Variants in FGF18 observed in about 807,000 individuals in gnomAD.
FGF18 encodes fibroblast growth factor 18.
A neutral mutation model predicts 23.0 loss-of-function variants in FGF18; 5 were observed. The ratio of observed to expected loss-of-function variants is 0.22; its 90% CI spans 0.11 to 0.46. The LOEUF (loss-of-function observed/expected upper bound fraction) is 0.46. Ranked by LOEUF, FGF18 falls within the 20% of genes least tolerant of loss-of-function variation. The pLI is 0.99. For synonymous variants in FGF18, 117 were observed against 118.9 expected (o/e 0.98, Z 0.10); for missense variants, 180 against 291.6 (o/e 0.62, Z 2.79).
chr5:171,446,353 G>A (rs1772419095), intron 3 of FGF18, among the ~76,000 whole-genome samples: 1 of 152,118 alleles, frequency 6.6e-6, no homozygotes, highest in Non-Finnish European at 1.5e-5. Context: ...TGGGAGGCCT[G>A]TCCCTCCAGA....
chr5:171,437,588 T>G (rs891245316), intron 3 of FGF18, among the ~76,000 whole-genome samples: 2 of 152,120 alleles, frequency 1.3e-5, no homozygotes, highest in African/African-American at 4.8e-5. Context: ...CAGCTCTGTC[T>G]CCCTCCTTCG....
chr5:171,446,229 G>A (rs1316884977), intron 3 of FGF18, among the ~76,000 whole-genome samples: 1 of 152,178 alleles, frequency 6.6e-6, no homozygotes, highest in Non-Finnish European at 1.5e-5. Context: ...GGGTGGGGGT[G>A]GCTAGGCTTG....
intron 2 of FGF18, among the ~76,000 whole-genome samples, chr5:171,425,616 T>C (rs777436386): frequency 7.3e-5 from 11 of 150,520 alleles, no homozygotes; most frequent in Non-Finnish European, 1.3e-4. Context: ...CTGTAAGCTC[T>C]GCCTGCCGGG....
chr5:171,447,296 C>G lies in FGF18; in HGVS notation c.251-1851C>G, dbSNP rs182276879. ...CTGATTCCCCCATAACTCCTCACCC[C>G]CTGTGGGGCCTGATCTTTACGAAGA... On this transcript the variant is annotated intron_variant, in intron 3 of 4. Coordinates refer to ENST00000274625, the MANE Select transcript of FGF18 (RefSeq NM_003862.3). 2.3e-3 allele frequency among the ~76,000 whole-genome samples: 346 copies of G among 152,292 alleles called. 1 individual carries two copies. The highest frequency in any genetic ancestry group is 7.7e-3 in the African/African-American group (320 of 41,564).
chr5:171,449,719 C>T (rs1040559475), intron 4 of FGF18, among the ~76,000 whole-genome samples: 4 of 152,090 alleles, frequency 2.6e-5, no homozygotes, highest in African/African-American at 4.8e-5. Flanking sequence ...ACCTCTGGAA[C>T]CTGGCCGCCT....
chr5:171,443,448 TAACA>T (rs1772373826), intron 3 of FGF18, among the ~76,000 whole-genome samples: 1 of 150,392 alleles, frequency 6.6e-6, no homozygotes, highest in Admixed American at 6.6e-5. Context: ...CTTAACATCT[TAACA>T]TTGCTTGACA....
rs1053637517 is a variant in FGF18 at position 171,451,351 on chromosome 5, C to T, written c.357+2098C>T. Among the ~76,000 whole-genome samples the T allele has an allele frequency of 3.9e-5, 6 of 152,102 alleles. No homozygotes were observed. The highest frequency in any genetic ancestry group is 8.8e-5 in the Non-Finnish European group (6 of 68,008). ...ACCAAATCCACCTGTCCAGGCTTGACCTCTGCCCCGCCCAGCGCCCCCTCG... is the reference window on the plus strand; with the variant it reads ...ACCAAATCCACCTGTCCAGGCTTGATCTCTGCCCCGCCCAGCGCCCCCTCG... On this transcript the variant is annotated intron_variant, in intron 4 of 4. Transcript: ENST00000274625. The surrounding 1 kb of genome is among the most constrained non-coding windows in gnomAD (Gnocchi z 4.5).
At chr5:171,420,550 C>G in intron 2 of FGF18, 107 bp downstream of exon 2, 1 of 1,145,658 alleles carries the variant, frequency 8.7e-7, no homozygotes, top group Non-Finnish European at 1.3e-6. Context: ...CTCCTGGGCG[C>G]TGAGCCCAGT....
rs1410125144 is a variant in FGF18 at position 171,451,663 on chromosome 5, T to A, written c.357+2410T>A. ...CCACCCCCACCCAGCTCCAAACCCA[T>A]CCATGGGTCCTCCCACCTTGCTATG... On this transcript the variant is annotated intron_variant, in intron 4 of 4. Transcript: ENST00000274625. This position sits in a 1 kb window ranked among gnomAD's most constrained non-coding sequence, Gnocchi z 4.5. Among the ~76,000 whole-genome samples the A allele has an allele frequency of 4.0e-5, 6 of 149,464 alleles. No homozygotes were observed. The highest frequency in any genetic ancestry group is 8.9e-5 in the Non-Finnish European group (6 of 67,316).
At chr5:171,454,050 G>A (rs987543474) in intron 4 of FGF18, among the ~76,000 whole-genome samples, 3 of 152,104 alleles carry the variant, frequency 2.0e-5, no homozygotes, top group Non-Finnish European at 4.4e-5. Flanking sequence ...GGGCTAATGC[G>A]GAGGCAGGCA....
intron 3 of FGF18, among the ~76,000 whole-genome samples, chr5:171,441,612 G>A (rs1355942455): frequency 2.6e-5 from 4 of 152,128 alleles, no homozygotes; most frequent in South Asian, 2.1e-4. Flanking sequence ...AGCACTTGTC[G>A]CTATCCGACC....
At chr5:171,448,366 G>A (rs374704415) in intron 3 of FGF18, among the ~76,000 whole-genome samples, 5 of 152,152 alleles carry the variant, frequency 3.3e-5, no homozygotes, top group South Asian at 2.1e-4. Context: ...TAGGGAGCTC[G>A]CACCTCACTC....
At chr5:171,452,991 G>A (rs1772537585) in intron 4 of FGF18, among the ~76,000 whole-genome samples, 1 of 152,206 alleles carries the variant, frequency 6.6e-6, no homozygotes, top group Non-Finnish European at 1.5e-5. Context: ...TAGGGCTCCA[G>A]TTTGGGAAGC....
chr5:171,442,725 G>A (rs1216268926), intron 3 of FGF18, among the ~76,000 whole-genome samples: 1 of 152,196 alleles, frequency 6.6e-6, no homozygotes, highest in African/African-American at 2.4e-5. Context: ...CCAGGCCTCT[G>A]GCTGCCTCTC....
chr5:171,422,953 G>A (rs1487200314), intron 2 of FGF18, among the ~76,000 whole-genome samples: 1 of 152,234 alleles, frequency 6.6e-6, no homozygotes, highest in African/African-American at 2.4e-5. Context: ...GGGTGGGGTA[G>A]TTTTGCCAGT....
chr5:171,419,913 T>A lies in FGF18; in HGVS notation c.-287T>A, dbSNP rs1270010295. Reference sequence around the variant, plus strand: ...GCCGGCCGGCCAGCAGTGAGCGAGCTTCCCCGCACCGGCCAGGCGCCTCCT... The same window carrying A: ...GCCGGCCGGCCAGCAGTGAGCGAGCATCCCCGCACCGGCCAGGCGCCTCCT... On this transcript the variant is annotated 5_prime_UTR_variant, in exon 1 of 5. Coordinates refer to ENST00000274625, the MANE Select transcript of FGF18 (RefSeq NM_003862.3). 2 of 157,284 alleles carry A rather than the reference T, an allele frequency of 1.3e-5. No individual in the cohort carries two copies. The highest frequency in any genetic ancestry group is 4.8e-5 in the African/African-American group (2 of 41,336). 9.7% of individuals were successfully genotyped at this position (157,284 alleles called of 1,614,324 possible). A position where few individuals can be genotyped will look rare whatever the true frequency, so the allele number is the denominator to read the frequency against.
intron 2 of FGF18, among the ~76,000 whole-genome samples, chr5:171,427,105 G>A (rs1772101325): frequency 6.6e-6 from 1 of 151,932 alleles, no homozygotes; most frequent in East Asian, 1.9e-4. Context: ...TACTCAGAAA[G>A]CTGAGACAGG....
At chr5:171,446,463 C>T (rs1772420761) in intron 3 of FGF18, among the ~76,000 whole-genome samples, 1 of 152,174 alleles carries the variant, frequency 6.6e-6, no homozygotes, top group Admixed American at 6.5e-5. Context: ...CCTAAGTTTC[C>T]TACACTGTAA....
intron 2 of FGF18, among the ~76,000 whole-genome samples, chr5:171,423,920 A>G (rs1381132128): frequency 6.6e-6 from 1 of 151,590 alleles, no homozygotes; most frequent in Non-Finnish European, 1.5e-5. Context: ...ACACACCACC[A>G]TGCTGGGCTA....
Sources: allele counts gnomAD v4.1 joint callset (sites outside exome capture counted in the v4.1 genomes callset), GRCh38; gene constraint gnomAD v4.1.1; non-coding constraint Gnocchi (gnomAD v3.1); transcripts MANE v1.5; gene names NCBI Gene and HGNC (gene_info 2026-07-23, HGNC 2026-07-21).